Variants in DENND1C observed in about 807,000 individuals in gnomAD.
DENND1C encodes DENN domain containing 1C, also known as DENN domain-containing protein 1C.
DENND1C carries 64 observed loss-of-function variants against 87.9 expected under a neutral mutation model. The ratio of observed to expected loss-of-function variants is 0.73; its 90% CI spans 0.60 to 0.90. The LOEUF is 0.90. Among genes scored for constraint, DENND1C ranks in the 40% least tolerant of loss-of-function variants. DENND1C has a pLI of 0.00. For synonymous variants in DENND1C, 384 were observed against 424.4 expected (o/e 0.90, Z 1.17); for missense variants, 980 against 1,037.0 (o/e 0.95, Z 0.76).
At position 6,469,672 on chromosome 19, in the gene DENND1C, G is replaced by A. The variant is rs1161900358; in HGVS notation, c.1363-32C>T. On this transcript the variant is annotated intron_variant, in intron 18 of 22. Transcript: ENST00000381480. Reference sequence around the variant, plus strand: ...AGGAGTGGACAGAGAATTACCCAAGGGTGGTGGGATCCTGGGCATTTGAGA... The same window carrying A: ...AGGAGTGGACAGAGAATTACCCAAGAGTGGTGGGATCCTGGGCATTTGAGA... 3 of 1,590,190 alleles carry A rather than the reference G, an allele frequency of 1.9e-6. No homozygotes were observed. The African/African-American group carries it at 4.0e-5, about 21-fold the overall frequency.
intron 10 of DENND1C, chr19:6,476,258 T>A: frequency 2.9e-6 from 1 of 342,254 alleles, no homozygotes. Context: ...CCGAAAGAGG[T>A]GGAGCTATGA....
intron 10 of DENND1C, 99 bp downstream of exon 10, chr19:6,476,758 C>G: frequency 1.6e-6 from 2 of 1,239,814 alleles, no homozygotes; most frequent in South Asian, 3.0e-5. Context: ...CCTCGGGTCT[C>G]GCGCAGTAGG....
chr19:6,472,060 C>T (rs1478855250), intron 15 of DENND1C, among the ~76,000 whole-genome samples: 1 of 152,220 alleles, frequency 6.6e-6, no homozygotes, highest in Non-Finnish European at 1.5e-5. Context: ...TCTGCCCCCT[C>T]TAGAACTACC....
At chr19:6,472,851 C>T (rs551761421) in intron 15 of DENND1C, 38 bp downstream of exon 15, 11 of 1,441,890 alleles carry the variant, frequency 7.6e-6, no homozygotes, top group South Asian at 3.0e-5. Flanking sequence ...CAGCAGTCCA[C>T]CTCCAGTCCC....
rs868657746 is a variant in DENND1C at position 6,468,275 on chromosome 19, C to T, written c.1750G>A (p.Asp584Asn). ...TCCAGGTCTCCTCTGTGACAGCAGTCTAAACTCTGGCTCGGTCTCAGGCTG... is the reference window on the plus strand; with the variant it reads ...TCCAGGTCTCCTCTGTGACAGCAGTTTAAACTCTGGCTCGGTCTCAGGCTG... ...AGSLRPSQSL[D>N]CCHRGDLDSC... The change falls in exon 22 of 23, where the codon GAC (aspartate) becomes AAC (asparagine). Residue 584 changes from aspartate (D) to asparagine (N), a missense_variant. Asp to Asn is a conservative substitution (Grantham distance 23). Coordinates refer to ENST00000381480, the MANE Select transcript of DENND1C (RefSeq NM_024898.4). 1 of 1,613,632 alleles carries T rather than the reference C, an allele frequency of 6.2e-7. No individual in the cohort carries two copies. The highest frequency in any genetic ancestry group is 2.2e-5 in the East Asian group (1 of 44,864).
In DENND1C at chr19:6,479,834, G is replaced by A. The variant is rs1175521817; in HGVS notation, c.126+25C>T. The stretch of plus-strand genomic sequence containing the variant: ...CCTGGGAGACTGGCCCTCGCCCTGG[G>A]GGAGCAAGGAGCCAGCCTGAATACC... On this transcript the variant is annotated intron_variant, in intron 3 of 22. Coordinates refer to ENST00000381480, the MANE Select transcript of DENND1C (RefSeq NM_024898.4). The A allele has an allele frequency of 2.5e-6, 4 of 1,612,960 alleles. No homozygotes were observed. The South Asian group carries it at 3.3e-5, about 13-fold the overall frequency.
intron 5 of DENND1C, 40 bp downstream of exon 5, chr19:6,478,896 CG>C (rs1568401238): frequency 6.2e-7 from 1 of 1,613,918 alleles, no homozygotes. Flanking sequence ...CCCTAGGCCT[CG>C]GCCTTTCCCA....
At position 6,468,632 on chromosome 19, in the gene DENND1C, C is replaced by T. The variant is rs548905025; in HGVS notation, c.1529G>A (p.Arg510His). ...TTCCAGCTGGCGTCTCCTGCTGGGG[C>T]GAAGGGGCCGGTTCTGCAAAGGGTG... The part of the protein sequence containing the change: ...TQHFGKNRPL[R>H]PSRRRQLEEG... Residue 510 changes from arginine (R) to histidine (H), a missense_variant, in exon 21 of 23, where the codon CGC (arginine) becomes CAC (histidine). Coordinates refer to ENST00000381480, the MANE Select transcript of DENND1C (RefSeq NM_024898.4). 1.0e-5 allele frequency: 15 copies of T among 1,491,996 alleles called. No individual in the cohort carries two copies. Among genetic ancestry groups the T allele is most frequent in the Admixed American group, 5.0e-5 (2 of 39,828 alleles). The allele number at this position is 1,491,996 out of a possible 1,614,324, so 92.4% of individuals were successfully genotyped here. A position where few individuals can be genotyped will look rare whatever the true frequency, so the allele number is the denominator to read the frequency against.
At position 6,468,327 on chromosome 19, in the gene DENND1C, A is replaced by G. The variant is rs1458515254; in HGVS notation, c.1698T>C (p.Ser566=). 1 of 1,613,784 alleles carries G rather than the reference A, an allele frequency of 6.2e-7. No individual in the cohort carries two copies. The highest frequency in any genetic ancestry group is 1.1e-5 in the South Asian group (1 of 91,066). ...CTGCGCTCTTGGCTCCCATGCTAAG[A>G]CTGTCCAGAATCTCGCTCAACAAAT... ...ELDLLSEILD[S]LSMGAKSAGS... is the part of the protein sequence containing the mutation. The change falls in exon 22 of 23, where the codon AGT becomes AGC. Residue 566 remains serine (S), a synonymous_variant. Coordinates refer to ENST00000381480, the MANE Select transcript of DENND1C (RefSeq NM_024898.4).
intron 1 of DENND1C, chr19:6,480,539 C>G: frequency 2.0e-5 from 17 of 833,316 alleles, no homozygotes; most frequent in Non-Finnish European, 2.5e-5. Context: ...CCCACCCACC[C>G]ACCTATCCAT....
rs780769809 is a variant in DENND1C at position 6,469,684 on chromosome 19, C to T, written c.1363-44G>A. On this transcript the variant is annotated intron_variant, in intron 18 of 22. Transcript: ENST00000381480. The stretch of plus-strand genomic sequence containing the variant: ...AGAATTACCCAAGGGTGGTGGGATC[C>T]TGGGCATTTGAGAGCTCAGCCTTCT... 4 of 1,578,632 alleles carry T rather than the reference C, an allele frequency of 2.5e-6. No individual in the cohort carries two copies. In the Admixed American group the frequency reaches 7.3e-5, roughly 29 times the overall value.
At position 6,468,423 on chromosome 19, in the gene DENND1C, A is replaced by C. The variant is rs141689934; in HGVS notation, c.1602T>G (p.Pro534=). The C allele has an allele frequency of 1.4e-4, 218 of 1,613,024 alleles. 2 individuals are homozygous for C. The highest frequency in any genetic ancestry group is 9.9e-4 in the Middle Eastern group (6 of 6,062). Residue 534 remains proline, a synonymous_variant, in exon 22 of 23, where the codon CCT becomes CCG. Coordinates refer to ENST00000381480, the MANE Select transcript of DENND1C (RefSeq NM_024898.4). ...PPGAGTPPLS[P]EDEGCPWAEE... ...CTGCCCACGGGCACCCCTCATCCTCAGGGCTCAGTGGGGGTGTCCTGGGTG... is the reference window on the plus strand; with the variant it reads ...CTGCCCACGGGCACCCCTCATCCTCCGGGCTCAGTGGGGGTGTCCTGGGTG...
rs774988018 is a variant in DENND1C at position 6,468,845 on chromosome 19, C to T, written c.1515+1G>A. 1 of 1,513,360 alleles carries T rather than the reference C, an allele frequency of 6.6e-7. No homozygotes were observed. The highest frequency in any genetic ancestry group is 8.8e-7 in the Non-Finnish European group (1 of 1,136,876). 93.7% of individuals were successfully genotyped at this position (1,513,360 alleles called of 1,614,324 possible). On this transcript the variant is annotated splice_donor_variant, in intron 20 of 22. Transcript: ENST00000381480. LOFTEE classifies it high-confidence loss of function. ...GTGCATGGGGGGAGGGGCGCTCTCACCTTTCCAAAGTGCTGAGTGATTGGG... is the reference window on the plus strand; with the variant it reads ...GTGCATGGGGGGAGGGGCGCTCTCATCTTTCCAAAGTGCTGAGTGATTGGG...
rs1395432624 is a variant in DENND1C, at chr19:6,471,246, A to G, written c.1290+19T>C. 1.3e-5 allele frequency: 20 copies of G among 1,576,890 alleles called. No individual in the cohort carries two copies. The East Asian group carries it at 2.8e-4, about 22-fold the overall frequency. On this transcript the variant is annotated intron_variant, in intron 17 of 22. Transcript: ENST00000381480. ...AGGCCTAAGCCAACGCCCACGGCCT[A>G]TTGTTCTGGTGGTCTTACCTTTAGA...
chr19:6,468,688 TCGG>T, intron 20 of DENND1C, 43 bp from the exon 21 acceptor site: 1 of 1,436,302 alleles, frequency 7.0e-7, no homozygotes, highest in Non-Finnish European at 9.2e-7. Flanking sequence ...GACTGCAGAA[TCGG>T]GGGGCTGAGG....
rs2092853874 is a variant in DENND1C at position 6,475,521 on chromosome 19, G to A, written c.890C>T (p.Thr297Met). Residue 297 changes from threonine (T) to methionine (M), a missense_variant, in exon 13 of 23, where the codon ACG (threonine) becomes ATG (methionine). Transcript: ENST00000381480. Reference sequence around the variant, plus strand: ...CAGCGCCTGCACGTCGTTAAAGGTCGTCTCCAAGGTATTGGCGTCCACGTT... The same window carrying A: ...CAGCGCCTGCACGTCGTTAAAGGTCATCTCCAAGGTATTGGCGTCCACGTT... ...VLNVDANTLE[T>M]TFNDVQALPP... 6.2e-7 allele frequency: 1 copy of A among 1,613,808 alleles called. No homozygotes were observed. The highest frequency in any genetic ancestry group is 1.7e-5 in the Admixed American group (1 of 59,990).
intron 13 of DENND1C, 33 bp downstream of exon 13, chr19:6,475,451 C>T (rs1401210172): frequency 9.3e-6 from 15 of 1,613,490 alleles, no homozygotes; most frequent in Non-Finnish European, 1.3e-5. Context: ...CCCTCGCCTC[C>T]CGGGGCAGGA....
At chr19:6,471,191 T>A in intron 17 of DENND1C, 74 bp downstream of exon 17, 2 of 1,540,990 alleles carry the variant, frequency 1.3e-6, no homozygotes, top group East Asian at 2.4e-5. Context: ...GCAATCCTTC[T>A]ATCTCCACCT....
At chr19:6,468,995 C>T in intron 19 of DENND1C, 42 bp from the exon 20 acceptor site, 1 of 1,163,880 alleles carries the variant, frequency 8.6e-7, no homozygotes, top group Non-Finnish European at 1.1e-6. Context: ...GCCACAGAGT[C>T]TCCCCACCAC....
Sources: allele counts gnomAD v4.1 joint callset (sites outside exome capture counted in the v4.1 genomes callset), GRCh38; gene constraint gnomAD v4.1.1; transcripts MANE v1.5; gene names NCBI Gene and HGNC (gene_info 2026-07-23, HGNC 2026-07-21).